Variants in PTK2 observed in about 807,000 individuals in gnomAD.
The protein encoded by PTK2 is protein tyrosine kinase 2.
A neutral mutation model predicts 150.1 loss-of-function variants in PTK2; 45 were observed. That is an observed-to-expected ratio of 0.30 (90% CI 0.24 to 0.38). The LOEUF is 0.38. PTK2 is among the 10% of genes least tolerant of loss of function. PTK2 has a pLI of 1.00. For missense variants in PTK2, 919 were observed against 1,307.3 expected, an observed-to-expected ratio of 0.70 and a Z score of 4.58; for synonymous variants, 432 against 449.2, an observed-to-expected ratio of 0.96 and a Z score of 0.48.
chr8:140,700,924 ATCT>A (rs766236776), exon 26 of PTK2: 5 of 1,613,794 alleles, frequency 3.1e-6, no homozygotes, highest in South Asian at 1.1e-5. Context: ...GCCAGCGCTG[ATCT>A]TCTTCCATTT....
intron 26 of PTK2, among the ~76,000 whole-genome samples, chr8:140,697,278 T>A (rs1206310189): frequency 2.6e-5 from 4 of 151,160 alleles, no homozygotes; most frequent in South Asian, 4.2e-4. Flanking sequence ...ATGAAGATGC[T>A]CCAATTACAT....
intron 22 of PTK2, among the ~76,000 whole-genome samples, chr8:140,733,262 C>T (rs921717057): frequency 1.3e-5 from 2 of 152,130 alleles, no homozygotes; most frequent in Admixed American, 6.5e-5. Flanking sequence ...AATGTAACAG[C>T]TTGCTTTCTG....
At chr8:140,923,085 C>T (rs1262685105) in intron 2 of PTK2, among the ~76,000 whole-genome samples, 1 of 152,182 alleles carries the variant, frequency 6.6e-6, no homozygotes, top group Non-Finnish European at 1.5e-5. Context: ...GCTTTCTCTC[C>T]TACCCCTGCA....
intron 1 of PTK2, among the ~76,000 whole-genome samples, chr8:140,948,488 G>A (rs531701308): frequency 1.3e-5 from 2 of 152,070 alleles, no homozygotes; most frequent in South Asian, 4.2e-4. Context: ...GAAAGATATT[G>A]GTAAAATTAC....
At chr8:140,947,912 A>G (rs1339410098) in intron 1 of PTK2, among the ~76,000 whole-genome samples, 1 of 152,186 alleles carries the variant, frequency 6.6e-6, no homozygotes, top group Non-Finnish European at 1.5e-5. Context: ...TAAAAATCCC[A>G]AGGGGCTATT....
chr8:140,937,669 T>C (rs1302009667), intron 1 of PTK2, among the ~76,000 whole-genome samples: 2 of 151,870 alleles, frequency 1.3e-5, no homozygotes, highest in East Asian at 3.8e-4. Context: ...CATTACTACA[T>C]ACAGGGTTTA....
chr8:140,695,338 C>T (rs1226256347), intron 26 of PTK2, among the ~76,000 whole-genome samples: 2 of 152,100 alleles, frequency 1.3e-5, no homozygotes. Context: ...GACCACTCAA[C>T]TTCCTATTGG....
intron 26 of PTK2, among the ~76,000 whole-genome samples, chr8:140,696,148 G>A (rs1379891470): frequency 4.6e-5 from 7 of 152,084 alleles, no homozygotes; most frequent in Admixed American, 2.0e-4. Context: ...CTGAACAAAC[G>A]GTACGATGGG....
At chr8:140,863,141 T>C (rs1364411786) in intron 5 of PTK2, among the ~76,000 whole-genome samples, 2 of 152,238 alleles carry the variant, frequency 1.3e-5, no homozygotes, top group African/African-American at 2.4e-5. Flanking sequence ...TGCTCTTTCA[T>C]GGCAGTAAGT....
exon 23 of PTK2, chr8:140,717,638 A>G: frequency 2.5e-6 from 4 of 1,614,098 alleles, no homozygotes; most frequent in Non-Finnish European, 3.4e-6. Flanking sequence ...GTCCCAGGAC[A>G]CTGTGGCCTG....
intron 1 of PTK2, among the ~76,000 whole-genome samples, chr8:140,952,101 A>G (rs1026068850): frequency 1.3e-5 from 2 of 152,166 alleles, no homozygotes; most frequent in African/African-American, 4.8e-5. Flanking sequence ...GTTGCTGAAA[A>G]GTTACAGTTG....
At chr8:140,662,706 GTCAACTGGAACA>G (rs1329035158) in intron 31 of PTK2, 1 of 596,252 alleles carries the variant, frequency 1.7e-6, no homozygotes, top group Non-Finnish European at 3.2e-6. Flanking sequence ...TGTCCAGTTG[GTCAACTGGAACA>G]TCCCCTGGAC....
chr8:140,921,027 T>C lies in PTK2; in HGVS notation c.-33+4634A>G, dbSNP rs1256475675. The C allele has an allele frequency of 2.3e-6, 3 of 1,293,504 alleles. No homozygotes were observed. The Admixed American group carries it at 1.2e-4, about 52-fold the overall frequency. 80.1% of individuals were successfully genotyped at this position (1,293,504 alleles called of 1,614,324 possible). ...AGACTAAGGTTCCCCTGTGTGCTCC[T>C]TTTTTCAGAGCTTGAAGCAAAATTT... is the stretch of plus-strand genomic sequence containing the variant. On this transcript the variant is annotated intron_variant, in intron 2 of 31. Coordinates refer to ENST00000522684, the Ensembl canonical transcript of PTK2.
At chr8:140,871,400 A>G (rs2100142405) in intron 4 of PTK2, among the ~76,000 whole-genome samples, 1 of 152,264 alleles carries the variant, frequency 6.6e-6, no homozygotes. Flanking sequence ...TAAGCACACA[A>G]AGATACTGGT....
chr8:140,681,919 T>G (rs573055939), intron 27 of PTK2, among the ~76,000 whole-genome samples: 1 of 152,222 alleles, frequency 6.6e-6, no homozygotes, highest in Non-Finnish European at 1.5e-5. Flanking sequence ...GGCGATGACC[T>G]TAAGCAGTAG....
intron 20 of PTK2, among the ~76,000 whole-genome samples, chr8:140,740,719 T>C (rs1273070581): frequency 6.6e-6 from 1 of 152,250 alleles, no homozygotes; most frequent in Non-Finnish European, 1.5e-5. Flanking sequence ...ACAGTTAAGA[T>C]TGAAGCTGGA....
intron 30 of PTK2, among the ~76,000 whole-genome samples, chr8:140,665,501 C>A (rs1055653819): frequency 9.2e-5 from 14 of 152,164 alleles, no homozygotes; most frequent in Non-Finnish European, 1.8e-4. Context: ...CGTTCTGAAT[C>A]TCAGGCTTCA....
At chr8:140,980,893 G>A (rs1226834079) in intron 1 of PTK2, among the ~76,000 whole-genome samples, 2 of 150,060 alleles carry the variant, frequency 1.3e-5, no homozygotes, top group Admixed American at 6.6e-5. Context: ...CAGGATTACA[G>A]GTGCCCGCCA....
At position 140,744,778 on chromosome 8, in the gene PTK2, A is replaced by G. The variant is rs1430761376; in HGVS notation, c.1519-11T>C. 1.4e-6 allele frequency: 2 copies of G among 1,434,592 alleles called. No homozygotes were observed. Among genetic ancestry groups the G allele is most frequent in the Non-Finnish European group, 1.9e-6 (2 of 1,043,588 alleles). The allele number at this position is 1,434,592 out of a possible 1,614,324, so 88.9% of individuals were successfully genotyped here. A position where few individuals can be genotyped will look rare whatever the true frequency, so the allele number is the denominator to read the frequency against. ...CAAAAATGACCTCAGCTTTTGGAACAATGACCAAAAGAAAAAAAAAAAAAA... is the reference window on the plus strand; with the variant it reads ...CAAAAATGACCTCAGCTTTTGGAACGATGACCAAAAGAAAAAAAAAAAAAA... On this transcript the variant is annotated splice_polypyrimidine_tract_variant and intron_variant, in intron 18 of 31. Transcript: ENST00000522684.
Sources: allele counts gnomAD v4.1 joint callset (sites outside exome capture counted in the v4.1 genomes callset), GRCh38; gene constraint gnomAD v4.1.1; transcripts MANE v1.5; gene names NCBI Gene and HGNC (gene_info 2026-07-23, HGNC 2026-07-21).